Variants in NOCT observed in about 807,000 individuals in gnomAD.
The protein encoded by NOCT is nocturnin.
NOCT carries 18 observed loss-of-function variants against 35.0 expected under a neutral mutation model. The observed-to-expected ratio is 0.51, with a 90% CI of 0.36 to 0.76. The LOEUF (loss-of-function observed/expected upper bound fraction) is 0.76, where lower values mean the gene tolerates loss of function less well. Ranked by LOEUF, NOCT falls within the 30% of genes least tolerant of loss-of-function variation. The pLI is 0.01. For synonymous variants in NOCT, 235 were observed against 226.3 expected (o/e 1.04, Z -0.34); for missense variants, 479 against 541.0 (o/e 0.89, Z 1.14).
rs74332389 is a variant in NOCT at position 139,039,056 on chromosome 4, G to T, written c.191-4018G>T. 7.1e-3 allele frequency among the ~76,000 whole-genome samples: 1,078 copies of T among 151,682 alleles called. 10 individuals carry two copies. The highest frequency in any genetic ancestry group is 0.025 in the African/African-American group (1,034 of 41,344). On this transcript the variant is annotated intron_variant, in intron 1 of 2. Coordinates refer to ENST00000280614, the MANE Select transcript of NOCT (RefSeq NM_012118.4). ...TAAATGTAAAAGCCATTCTTAGCTT[G>T]TTGGGTGTGGTGGCTCATGCCTGTA...
At chr4:139,038,420 C>T (rs997343178) in intron 1 of NOCT, among the ~76,000 whole-genome samples, 6 of 151,718 alleles carry the variant, frequency 4.0e-5, no homozygotes, top group African/African-American at 7.3e-5. Flanking sequence ...GGTAGATGAC[C>T]AGATTTGATA....
At chr4:139,020,062 A>G (rs866476679) in intron 1 of NOCT, among the ~76,000 whole-genome samples, 1 of 152,242 alleles carries the variant, frequency 6.6e-6, no homozygotes, top group African/African-American at 2.4e-5. Context: ...TCAAGCTGCT[A>G]TGGAATAAAT....
intron 1 of NOCT, among the ~76,000 whole-genome samples, chr4:139,031,634 C>T (rs918969028): frequency 2.0e-5 from 3 of 152,088 alleles, no homozygotes; most frequent in Non-Finnish European, 4.4e-5. Flanking sequence ...GCCTAGATTG[C>T]TTTAGTAGTG....
intron 2 of NOCT, among the ~76,000 whole-genome samples, chr4:139,044,064 G>A (rs1242348864): frequency 2.7e-5 from 4 of 149,720 alleles, no homozygotes; most frequent in Non-Finnish European, 4.4e-5. Flanking sequence ...AAACAGATGT[G>A]TCAATCAACT....
chr4:139,020,164 A>C (rs952733817), intron 1 of NOCT, among the ~76,000 whole-genome samples: 1 of 152,226 alleles, frequency 6.6e-6, no homozygotes, highest in Non-Finnish European at 1.5e-5. Flanking sequence ...CTTTGGGGTT[A>C]ATAACCATGG....
intron 1 of NOCT, among the ~76,000 whole-genome samples, chr4:139,042,636 C>A (rs1263083079): frequency 1.3e-5 from 2 of 152,098 alleles, no homozygotes; most frequent in Admixed American, 6.5e-5. Context: ...GCTTTATACG[C>A]CGGGCGTGGT....
Position 139,015,887 on chromosome 4 carries a change from A to C in NOCT, c.-95A>C. The C allele has an allele frequency of 2.0e-6, 2 of 1,023,908 alleles. No individual in the cohort carries two copies. Among genetic ancestry groups the C allele is most frequent in the Non-Finnish European group, 1.3e-6 (1 of 795,756 alleles). The allele number at this position is 1,023,908 out of a possible 1,614,324, so 63.4% of individuals were successfully genotyped here. On this transcript the variant is annotated 5_prime_UTR_variant, in exon 1 of 3. Transcript: ENST00000280614. ...AAGGAGCCTGGGAGCATCCGCCCAC[A>C]CTGCCCGGACAGTCGGCTCGACTCG... is the stretch of plus-strand genomic sequence containing the variant.
Position 139,044,858 on chromosome 4 carries a change from T to C in NOCT, c.680T>C (p.Val227Ala), listed in dbSNP as rs1386600276. The C allele has an allele frequency of 6.2e-7, 1 of 1,614,076 alleles. No individual in the cohort carries two copies. The highest frequency in any genetic ancestry group is 1.3e-5 in the African/African-American group (1 of 74,934). Reference sequence around the variant, plus strand: ...AAACCCTGGTCACCTTGTCTAGATGTAGAACACAACAATGGACCAGATGGT... The same window carrying C: ...AAACCCTGGTCACCTTGTCTAGATGCAGAACACAACAATGGACCAGATGGT... ...FPKPWSPCLD[V>A]EHNNGPDGCA... Residue 227 changes from valine (V) to alanine (A), a missense_variant, in exon 3 of 3, where the codon GTA becomes GCA. Transcript: ENST00000280614.
chr4:139,023,954 C>T (rs17050678), intron 1 of NOCT, among the ~76,000 whole-genome samples: 26,261 of 151,678 alleles, frequency 0.17, 2,796 homozygotes, highest in Middle Eastern at 0.34. Context: ...AAGTTTGTAT[C>T]GGTTGTCTAC....
Position 139,015,961 on chromosome 4 carries a change from G to T in NOCT, c.-21G>T. ...CCGCTCCTCGGGCGCGCGAGGGGCC[G>T]TGGTGGCGGCGGCGCCCGGCATGTT... is the stretch of plus-strand genomic sequence containing the variant. On this transcript the variant is annotated 5_prime_UTR_variant, in exon 1 of 3. Coordinates refer to ENST00000280614, the MANE Select transcript of NOCT (RefSeq NM_012118.4). 1 of 1,334,256 alleles carries T rather than the reference G, an allele frequency of 7.5e-7. No individual in the cohort carries two copies. The highest frequency in any genetic ancestry group is 9.5e-7 in the Non-Finnish European group (1 of 1,047,368). The allele number at this position is 1,334,256 out of a possible 1,614,324, so 82.7% of individuals were successfully genotyped here.
intron 1 of NOCT, among the ~76,000 whole-genome samples, chr4:139,025,847 A>G (rs756320606): frequency 6.6e-6 from 1 of 152,148 alleles, no homozygotes; most frequent in Non-Finnish European, 1.5e-5. Context: ...TATTTCTTCA[A>G]GATCTTAGGA....
chr4:139,030,989 C>T (rs1014682560), intron 1 of NOCT, among the ~76,000 whole-genome samples: 12 of 152,046 alleles, frequency 7.9e-5, no homozygotes, highest in Non-Finnish European at 7.3e-5. Flanking sequence ...TTTTAATCAG[C>T]GTTTTTGCCA....
chr4:139,038,681 T>A (rs1366864554), intron 1 of NOCT, among the ~76,000 whole-genome samples: 1 of 152,204 alleles, frequency 6.6e-6, no homozygotes, highest in Admixed American at 6.5e-5. Flanking sequence ...ATGAAACTTA[T>A]GAAAAAAGTT....
chr4:139,035,258 G>A (rs765792878), intron 1 of NOCT, among the ~76,000 whole-genome samples: 1 of 152,084 alleles, frequency 6.6e-6, no homozygotes, highest in Non-Finnish European at 1.5e-5. Flanking sequence ...GAATAGCTGG[G>A]ACTACCAGTG....
intron 1 of NOCT, among the ~76,000 whole-genome samples, chr4:139,027,865 G>C (rs977938370): frequency 6.6e-6 from 1 of 152,046 alleles, no homozygotes; most frequent in Non-Finnish European, 1.5e-5. Context: ...CTGTTCTTAA[G>C]GTTCCCCCCC....
In NOCT at chr4:139,015,836, T is replaced by TCA; in HGVS notation, c.-146_-145insCA. 1 of 582,100 alleles carries TCA rather than the reference T, an allele frequency of 1.7e-6. No individual in the cohort carries two copies. The highest frequency in any genetic ancestry group is 7.5e-5 in the South Asian group (1 of 13,384). 36.1% of individuals were successfully genotyped at this position (582,100 alleles called of 1,614,324 possible). A position where few individuals can be genotyped will look rare whatever the true frequency, so the allele number is the denominator to read the frequency against. ...CCCTCTCCGGCTCTGCTGCCCGGGA[T>TCA]TTCCCCAGAACCTGCGCCGCGCGAG... On this transcript the variant is annotated 5_prime_UTR_variant, in exon 1 of 3. Coordinates refer to ENST00000280614, the MANE Select transcript of NOCT (RefSeq NM_012118.4).
At chr4:139,026,348 A>T (rs1279546175) in intron 1 of NOCT, among the ~76,000 whole-genome samples, 1 of 152,054 alleles carries the variant, frequency 6.6e-6, no homozygotes, top group East Asian at 1.9e-4. Context: ...TGATCCACCC[A>T]TCCCAGCCTC....
At chr4:139,025,917 A>G (rs1578626446) in intron 1 of NOCT, among the ~76,000 whole-genome samples, 1 of 152,308 alleles carries the variant, frequency 6.6e-6, no homozygotes, top group South Asian at 2.1e-4. Flanking sequence ...AACCTGCCCA[A>G]TGATATGCAA....
rs10541748 is a variant in NOCT, at chr4:139,016,641, G to GTTTTTTTTT, written c.190+492_190+500dup. On this transcript the variant is annotated intron_variant, in intron 1 of 2. Transcript: ENST00000280614. ...ATAACACATTGATTCGTTTTACGTT[G>GTTTTTTTTT]TTTTTTTTTTTTTTTTTTTTTTTTT... Among the ~76,000 whole-genome samples, 5 of 53,802 alleles carry GTTTTTTTTT rather than the reference G, an allele frequency of 9.3e-5. 1 individual carries two copies. Among genetic ancestry groups the GTTTTTTTTT allele is most frequent in the African/African-American group, 1.5e-4 (2 of 13,092 alleles). The allele number at this position is 53,802 out of a possible 152,430, so 35.3% of individuals were successfully genotyped here. A position where few individuals can be genotyped will look rare whatever the true frequency, so the allele number is the denominator to read the frequency against.
Sources: allele counts gnomAD v4.1 joint callset (sites outside exome capture counted in the v4.1 genomes callset), GRCh38; gene constraint gnomAD v4.1.1; transcripts MANE v1.5; gene names NCBI Gene and HGNC (gene_info 2026-07-23, HGNC 2026-07-21).